Variants in LGR5 observed in about 807,000 individuals in gnomAD.
LGR5 encodes leucine-rich repeat-containing G protein-coupled receptor 5.
Under a neutral mutation model 76.7 loss-of-function variants are expected in LGR5, and 54 were observed. The ratio of observed to expected loss-of-function variants is 0.70; its 90% CI spans 0.57 to 0.88. The LOEUF (loss-of-function observed/expected upper bound fraction) is 0.88, where lower values mean the gene tolerates loss of function less well. Among genes scored for constraint, LGR5 ranks in the 40% least tolerant of loss-of-function variants. The pLI, the probability that LGR5 is intolerant of heterozygous loss-of-function variation, is 0.00. For missense variants in LGR5, 1,078 were observed against 1,073.3 expected, an observed-to-expected ratio of 1.00 and a Z score of -0.06; for synonymous variants, 406 against 421.9, an observed-to-expected ratio of 0.96 and a Z score of 0.46.
At position 71,584,321 on chromosome 12, in the gene LGR5, T is replaced by C; in HGVS notation, c.2311T>C (p.Leu771=). 1.9e-6 allele frequency: 3 copies of C among 1,614,236 alleles called. No homozygotes were observed. ...CTCTATGGTAAAACACATTGCCCTG[T>C]TGCTCTTCACCAACTGCATCCTAAA... The part of the protein sequence containing the change: ...DCSMVKHIAL[L]LFTNCILNCP... The change falls in exon 18 of 18, where the codon TTG becomes CTG. Residue 771 remains leucine, a synonymous_variant. Transcript: ENST00000266674.
intron 1 of LGR5, among the ~76,000 whole-genome samples, chr12:71,491,015 G>A (rs1188262462): frequency 6.6e-6 from 1 of 152,120 alleles, no homozygotes; most frequent in African/African-American, 2.4e-5. Context: ...TTCCAATGCT[G>A]TTCTCCTGAT....
At chr12:71,488,478 T>C (rs1451585764) in intron 1 of LGR5, among the ~76,000 whole-genome samples, 1 of 152,234 alleles carries the variant, frequency 6.6e-6, no homozygotes, top group Non-Finnish European at 1.5e-5. Context: ...AGTTTTTCTC[T>C]GGTGTCATTT....
intron 2 of LGR5, among the ~76,000 whole-genome samples, chr12:71,511,479 T>C (rs1875153456): frequency 1.3e-5 from 2 of 152,126 alleles, no homozygotes. Flanking sequence ...ACCACTACTC[T>C]AGGCTAGTGG....
rs187377018 is a variant in LGR5, at chr12:71,527,703, G to A, written c.356+3226G>A. On this transcript the variant is annotated intron_variant, in intron 3 of 17. Coordinates refer to ENST00000266674, the MANE Select transcript of LGR5 (RefSeq NM_003667.4). ...AAGGCTCTACCCAACACCTCCCAAA[G>A]GTCCCCACCTCCCAACACTATTGCA... 4.2e-4 allele frequency among the ~76,000 whole-genome samples: 64 copies of A among 152,194 alleles called. No individual in the cohort carries two copies. In the East Asian group the frequency reaches 7.1e-3, roughly 17 times the overall value.
At chr12:71,475,991 G>T (rs1873316944) in intron 1 of LGR5, among the ~76,000 whole-genome samples, 2 of 152,144 alleles carry the variant, frequency 1.3e-5, no homozygotes, top group Admixed American at 1.3e-4. Context: ...TCACTGATAT[G>T]TTGGGGATTG....
intron 1 of LGR5, among the ~76,000 whole-genome samples, chr12:71,445,217 C>G (rs1871933122): frequency 1.3e-5 from 2 of 152,178 alleles, no homozygotes; most frequent in Non-Finnish European, 2.9e-5. Flanking sequence ...AAATTCCTTC[C>G]TATAAGATTC....
chr12:71,498,272 A>G (rs146651502), intron 1 of LGR5, among the ~76,000 whole-genome samples: 238 of 152,348 alleles, frequency 1.6e-3, no homozygotes, highest in Non-Finnish European at 2.3e-3. Flanking sequence ...ATTTTATTTC[A>G]GAAGAGTTCT....
intron 1 of LGR5, among the ~76,000 whole-genome samples, chr12:71,487,516 G>A (rs1023030386): frequency 1.3e-5 from 2 of 152,126 alleles, no homozygotes; most frequent in African/African-American, 2.4e-5. Flanking sequence ...CTGGGCTCAA[G>A]CAATCCTCCC....
Sources: allele counts gnomAD v4.1 joint callset (sites outside exome capture counted in the v4.1 genomes callset), GRCh38; gene constraint gnomAD v4.1.1; transcripts MANE v1.5; gene names NCBI Gene and HGNC (gene_info 2026-07-23, HGNC 2026-07-21).